The following PTPRD variants were observed in gnomAD, a reference collection of about 807,000 sequenced individuals.
The protein encoded by PTPRD is protein tyrosine phosphatase receptor type D.
A neutral mutation model predicts 214.5 loss-of-function variants in PTPRD; 34 were observed. That is an observed-to-expected ratio of 0.16 (90% CI 0.12 to 0.21). PTPRD has a LOEUF of 0.21. Ranked by LOEUF, PTPRD falls within the 10% of genes least tolerant of loss-of-function variation. The probability of loss-of-function intolerance (pLI) is 1.00; values close to 1 mark genes in which losing one functional copy is unlikely to be tolerated. For missense variants in PTPRD, 2,545 were observed against 2,398.7 expected (o/e 1.06, Z -1.27); for synonymous variants, 1,128 against 845.7 (o/e 1.33, Z -5.79).
At chr9:10,461,825 T>C (rs2098961202) in intron 2 of PTPRD, among the ~76,000 whole-genome samples, 3 of 152,076 alleles carry the variant, frequency 2.0e-5, no homozygotes, top group Admixed American at 2.0e-4. Flanking sequence ...TTTAACCATG[T>C]TGGCCAGGCT....
At chr9:9,447,204 A>G (rs751702496) in intron 8 of PTPRD, among the ~76,000 whole-genome samples, 1 of 152,184 alleles carries the variant, frequency 6.6e-6, no homozygotes. Flanking sequence ...TATCATAATG[A>G]CACATGCACA....
intron 10 of PTPRD, among the ~76,000 whole-genome samples, chr9:9,104,302 C>T (rs1451961723): frequency 6.6e-6 from 1 of 151,374 alleles, no homozygotes; most frequent in African/African-American, 2.5e-5. Flanking sequence ...ATGTATCATT[C>T]TTTTGAATTT....
intron 3 of PTPRD, among the ~76,000 whole-genome samples, chr9:10,314,009 A>G (rs137918072): frequency 2.6e-5 from 4 of 152,032 alleles, no homozygotes; most frequent in East Asian, 1.9e-4. Flanking sequence ...TAATAAATGG[A>G]CGTGATGATA....
rs2095102338 is a variant in PTPRD, at chr9:9,971,539, G to C, written c.-471-32929C>G. 2.0e-5 allele frequency among the ~76,000 whole-genome samples: 3 copies of C among 152,120 alleles called. No homozygotes were observed. In the South Asian group the frequency reaches 6.2e-4, roughly 32 times the overall value. ...AACTTCTCAACTCTGAGGAATTCAG[G>C]CTTAGAAACTAATGAGTTAGATTAT... is the stretch of plus-strand genomic sequence containing the variant. On this transcript the variant is annotated intron_variant, in intron 4 of 45. Transcript: ENST00000381196.
At chr9:9,737,187 T>C (rs922908281) in intron 6 of PTPRD, among the ~76,000 whole-genome samples, 1 of 152,098 alleles carries the variant, frequency 6.6e-6, no homozygotes, top group Non-Finnish European at 1.5e-5. Context: ...TAGTCATGAA[T>C]TCAGTACCCA....
intron 7 of PTPRD, among the ~76,000 whole-genome samples, chr9:9,660,581 A>G (rs2096603903): frequency 6.6e-6 from 1 of 152,004 alleles, no homozygotes; most frequent in East Asian, 1.9e-4. Flanking sequence ...TGTGTTCAGA[A>G]ACTGAGAGTT....
chr9:10,108,762 C>T (rs916950537), intron 3 of PTPRD, among the ~76,000 whole-genome samples: 1 of 151,792 alleles, frequency 6.6e-6, no homozygotes, highest in African/African-American at 2.4e-5. Flanking sequence ...TATTTGCACA[C>T]AAAGGGATAC....
intron 5 of PTPRD, among the ~76,000 whole-genome samples, chr9:9,803,941 G>A (rs1429017201): frequency 6.6e-6 from 1 of 152,024 alleles, no homozygotes; most frequent in Non-Finnish European, 1.5e-5. Flanking sequence ...CTCACTAGAA[G>A]TTTATGGGTG....
intron 7 of PTPRD, among the ~76,000 whole-genome samples, chr9:9,724,411 G>A (rs150596794): frequency 1.3e-5 from 2 of 152,236 alleles, no homozygotes; most frequent in African/African-American, 4.8e-5. Flanking sequence ...ATAGGCCTTT[G>A]CCAGAGTTAC....
At chr9:10,526,583 A>G (rs1010295093) in intron 2 of PTPRD, among the ~76,000 whole-genome samples, 21 of 152,184 alleles carry the variant, frequency 1.4e-4, no homozygotes, top group African/African-American at 5.1e-4. Flanking sequence ...ATCTCTTATA[A>G]CCAATCTCTT....
intron 8 of PTPRD, among the ~76,000 whole-genome samples, chr9:9,441,480 T>C (rs565911555): frequency 3.3e-5 from 5 of 152,160 alleles, no homozygotes; most frequent in Non-Finnish European, 7.4e-5. Context: ...AGCTGGAGCA[T>C]AGAGTGCTGA....
intron 14 of PTPRD, among the ~76,000 whole-genome samples, chr9:8,571,898 G>A (rs1245759947): frequency 1.3e-5 from 2 of 152,094 alleles, no homozygotes; most frequent in Non-Finnish European, 2.9e-5. Flanking sequence ...AGAGAGGAAA[G>A]TTTCTAGTGA....
intron 3 of PTPRD, among the ~76,000 whole-genome samples, chr9:10,093,707 G>T (rs950479151): frequency 6.6e-6 from 1 of 151,354 alleles, no homozygotes; most frequent in Admixed American, 6.6e-5. Flanking sequence ...GCCCATCTAT[G>T]GTGGATCGGA....
intron 10 of PTPRD, among the ~76,000 whole-genome samples, chr9:9,147,199 G>C (rs1336037762): frequency 7.5e-6 from 1 of 133,368 alleles, no homozygotes; most frequent in East Asian, 2.0e-4. Context: ...TATTTGCAGA[G>C]TCCTAAAAAC....
chr9:9,104,449 G>A (rs1055878847), intron 10 of PTPRD, among the ~76,000 whole-genome samples: 9 of 152,108 alleles, frequency 5.9e-5, no homozygotes, highest in Non-Finnish European at 1.3e-4. Context: ...ATTAAGTCTT[G>A]GCTAACATAT....
At chr9:8,462,404 T>C (rs1015505991) in intron 32 of PTPRD, among the ~76,000 whole-genome samples, 8 of 152,162 alleles carry the variant, frequency 5.3e-5, no homozygotes, top group Admixed American at 3.3e-4. Flanking sequence ...CTTCCTCTCA[T>C]AGTCTCCACT....
intron 3 of PTPRD, among the ~76,000 whole-genome samples, chr9:10,239,909 C>T (rs940814545): frequency 2.0e-5 from 3 of 151,756 alleles, no homozygotes; most frequent in African/African-American, 4.8e-5. Flanking sequence ...TTCCCCAAAG[C>T]CAGCTGTAAA....
At chr9:9,671,132 T>C (rs966603421) in intron 7 of PTPRD, among the ~76,000 whole-genome samples, 62 of 152,154 alleles carry the variant, frequency 4.1e-4, no homozygotes, top group African/African-American at 1.5e-3. Context: ...GGAGTGGAGC[T>C]GCCCAAGACC....
intron 10 of PTPRD, among the ~76,000 whole-genome samples, chr9:9,050,956 C>T (rs1380757806): frequency 1.3e-5 from 2 of 151,990 alleles, no homozygotes; most frequent in Non-Finnish European, 2.9e-5. Flanking sequence ...GAAAGTATCC[C>T]CCATGAATAA....
Sources: allele counts gnomAD v4.1 joint callset (sites outside exome capture counted in the v4.1 genomes callset), GRCh38; gene constraint gnomAD v4.1.1; transcripts MANE v1.5; gene names NCBI Gene and HGNC (gene_info 2026-07-23, HGNC 2026-07-21).